DBT: variants seen among roughly 807,000 people sequenced by gnomAD.
DBT encodes dihydrolipoamide branched chain transacylase E2.
In DBT, 40 loss-of-function variants were observed where a neutral mutation model predicts 51.3. That is an observed-to-expected ratio of 0.78 (90% CI 0.61 to 1.02). The LOEUF (loss-of-function observed/expected upper bound fraction) is 1.02, where lower values mean the gene tolerates loss of function less well. Ranked by LOEUF, DBT falls within the 50% of genes least tolerant of loss-of-function variation. The pLI, the probability that DBT is intolerant of heterozygous loss-of-function variation, is 0.00. For synonymous variants in DBT, 181 were observed against 190.4 expected, an observed-to-expected ratio of 0.95 and a Z score of 0.41; for missense variants, 510 against 580.2, an observed-to-expected ratio of 0.88 and a Z score of 1.24.
rs922262973 is a variant in DBT, at chr1:100,213,693, T to G, written c.939+1124A>C. 1.1e-4 allele frequency: 175 copies of G among 1,603,618 alleles called. 3 individuals are homozygous for G. In the Admixed American group the frequency reaches 2.6e-3, roughly 24 times the overall value. On this transcript the variant is annotated intron_variant, in intron 7 of 10. Coordinates refer to ENST00000370132, the MANE Select transcript of DBT (RefSeq NM_001918.5). The stretch of plus-strand genomic sequence containing the variant: ...TAAAGGGAACACCAGGCTCGGCCTT[T>G]CCTACACCCAGCTCTCTTTTTCTAA...
At chr1:100,239,149 A>C (rs1191973924) in intron 2 of DBT, among the ~76,000 whole-genome samples, 1 of 152,230 alleles carries the variant, frequency 6.6e-6, no homozygotes, top group Non-Finnish European at 1.5e-5. Flanking sequence ...TGATCAATAA[A>C]TATTAATTGT....
At chr1:100,207,909 G>C (rs1661894795) in intron 8 of DBT, among the ~76,000 whole-genome samples, 2 of 152,102 alleles carry the variant, frequency 1.3e-5, no homozygotes, top group Admixed American at 1.3e-4. Context: ...GAGGCGGGCG[G>C]ATCACGAGGT....
rs1661038253 is a variant in DBT at position 100,195,529 on chromosome 1, T to A, written c.*726A>T. On this transcript the variant is annotated 3_prime_UTR_variant, in exon 11 of 11. Transcript: ENST00000370132. ...TTATTTCATACAACAATTAGCATAATAACGGAAATGGAAAATATTTTTGTA... is the reference window on the plus strand; with the variant it reads ...TTATTTCATACAACAATTAGCATAAAAACGGAAATGGAAAATATTTTTGTA... 1 of 152,254 alleles carries A rather than the reference T, an allele frequency of 6.6e-6. No individual in the cohort carries two copies. Among genetic ancestry groups the A allele is most frequent in the Non-Finnish European group, 1.5e-5 (1 of 68,082 alleles). The allele number at this position is 152,254 out of a possible 1,614,324, so 9.4% of individuals were successfully genotyped here. A position where few individuals can be genotyped will look rare whatever the true frequency, so the allele number is the denominator to read the frequency against.
intron 10 of DBT, chr1:100,196,697 A>G: frequency 2.2e-6 from 1 of 457,114 alleles, no homozygotes; most frequent in Non-Finnish European, 3.9e-6. Context: ...TTCATCTCAG[A>G]TTTCAAATAT....
intron 5 of DBT, 65 bp from the exon 6 acceptor site, chr1:100,216,264 A>G: frequency 8.8e-7 from 1 of 1,133,532 alleles, no homozygotes; most frequent in Non-Finnish European, 1.3e-6. Flanking sequence ...AAGTTTCAAA[A>G]TGGAATTTGA....
chr1:100,196,517 C>CAA (rs1479583625), intron 10 of DBT, 95 bp from the exon 11 acceptor site: 339 of 1,420,180 alleles, frequency 2.4e-4, no homozygotes, highest in Middle Eastern at 1.3e-3. Flanking sequence ...GGTGTAAGAT[C>CAA]AGGCAAACCC....
Position 100,222,109 on chromosome 1 carries a change from G to A in DBT, c.434-3362C>T, listed in dbSNP as rs571814675. On this transcript the variant is annotated intron_variant, in intron 4 of 10. Coordinates refer to ENST00000370132, the MANE Select transcript of DBT (RefSeq NM_001918.5). ...TTTCACTTCAAATTATTAAAACAGC[G>A]AATTCAATCAATTTAATCTACAATA... Among the ~76,000 whole-genome samples, 4 of 152,188 alleles carry A rather than the reference G, an allele frequency of 2.6e-5. No homozygotes were observed. The East Asian group carries it at 7.7e-4, about 29-fold the overall frequency.
At chr1:100,217,997 A>G (rs1346106558) in intron 5 of DBT, among the ~76,000 whole-genome samples, 1 of 152,226 alleles carries the variant, frequency 6.6e-6, no homozygotes, top group South Asian at 2.1e-4. Flanking sequence ...TTACAGGGTT[A>G]AATGAGAATA....
chr1:100,213,797 CA>C, intron 7 of DBT: 1 of 1,440,666 alleles, frequency 6.9e-7, no homozygotes, highest in East Asian at 2.6e-5. Flanking sequence ...CGATGTGGCA[CA>C]CGCCAGCTGC....
intron 10 of DBT, among the ~76,000 whole-genome samples, chr1:100,205,663 C>A (rs1417314330): frequency 6.6e-6 from 1 of 152,170 alleles, no homozygotes; most frequent in Non-Finnish European, 1.5e-5. Context: ...ATGTTTATTG[C>A]AGCACTATTC....
At position 100,240,787 on chromosome 1, in the gene DBT, G is replaced by C. The variant is rs1570847301; in HGVS notation, c.149C>G (p.Pro50Arg). The change falls in exon 2 of 11, where the codon CCA (proline) becomes CGA (arginine). Residue 50 changes from proline to arginine, a missense_variant. Physicochemically the swap from Pro to Arg is moderately radical, Grantham distance 103. Transcript: ENST00000370132. Reference protein sequence around the residue: ...FGYPSFKYSHPHHFLKTTAAL... With the variant: ...FGYPSFKYSHRHHFLKTTAAL... Reference sequence around the variant, plus strand: ...AGCAGTTGTTTTCAGGAAGTGATGTGGATGACTATACTTGAATGAAGGATA... The same window carrying C: ...AGCAGTTGTTTTCAGGAAGTGATGTCGATGACTATACTTGAATGAAGGATA... 1.9e-6 allele frequency: 3 copies of C among 1,605,082 alleles called. No homozygotes were observed. Among genetic ancestry groups the C allele is most frequent in the South Asian group, 2.2e-5 (2 of 90,866 alleles).
chr1:100,189,556 A>C lies in DBT; in HGVS notation c.*6699T>G, dbSNP rs1660716355. The C allele has an allele frequency of 6.6e-6, 1 of 152,188 alleles. No individual in the cohort carries two copies. The highest frequency in any genetic ancestry group is 2.4e-5 in the African/African-American group (1 of 41,440). The allele number at this position is 152,188 out of a possible 1,614,324, so 9.4% of individuals were successfully genotyped here. A position where few individuals can be genotyped will look rare whatever the true frequency, so the allele number is the denominator to read the frequency against. On this transcript the variant is annotated 3_prime_UTR_variant, in exon 11 of 11. Transcript: ENST00000370132. ...AGGACAGAGGTGGGTTCAGAGAACTATTTAGGAGACATCTGGGTGGGAGTT... is the reference window on the plus strand; with the variant it reads ...AGGACAGAGGTGGGTTCAGAGAACTCTTTAGGAGACATCTGGGTGGGAGTT...
chr1:100,236,375 C>G (rs1001607253), intron 2 of DBT, among the ~76,000 whole-genome samples: 1 of 152,178 alleles, frequency 6.6e-6, no homozygotes, highest in African/African-American at 2.4e-5. Flanking sequence ...TCCAGGTTAA[C>G]AAATGGCTCT....
chr1:100,229,356 TG>T (rs1450286667), intron 4 of DBT, among the ~76,000 whole-genome samples: 1 of 151,308 alleles, frequency 6.6e-6, no homozygotes, highest in Non-Finnish European at 1.5e-5. Context: ...TTAGTAGAGA[TG>T]GGGTTTCACC....
At position 100,210,724 on chromosome 1, in the gene DBT, C is replaced by T; in HGVS notation, c.987G>A (p.Val329=). 1 of 1,613,380 alleles carries T rather than the reference C, an allele frequency of 6.2e-7. No homozygotes were observed. Among genetic ancestry groups the T allele is most frequent in the South Asian group, 1.1e-5 (1 of 91,064 alleles). Residue 329 remains valine (V), a synonymous_variant, in exon 8 of 11, where the codon GTG becomes GTA. Transcript: ENST00000370132. ...ATGTTATATTCTGGCAGTTTTCATC[C>T]ACAGAAGCGTTAAGGATAGGAAACT... ...LLQFPILNAS[V]DENCQNITYK...
chr1:100,213,287 G>T (rs2100793545), intron 7 of DBT: 2 of 1,388,178 alleles, frequency 1.4e-6, no homozygotes, highest in South Asian at 3.2e-5. Flanking sequence ...GCCGAGCCGG[G>T]CCGCCATGGA....
chr1:100,243,646 A>G (rs1320894008), intron 1 of DBT, among the ~76,000 whole-genome samples: 1 of 152,054 alleles, frequency 6.6e-6, no homozygotes, highest in Non-Finnish European at 1.5e-5. Flanking sequence ...TACATTTACA[A>G]TTTCCCTGTG....
chr1:100,204,923 A>G (rs1288642152), intron 10 of DBT, among the ~76,000 whole-genome samples: 1 of 152,190 alleles, frequency 6.6e-6, no homozygotes, highest in East Asian at 1.9e-4. Context: ...CTGAAACTGG[A>G]CCCCTTCCTT....
rs559530772 is a variant in DBT, at chr1:100,194,974, T to C, written c.*1281A>G. On this transcript the variant is annotated 3_prime_UTR_variant, in exon 11 of 11. Coordinates refer to ENST00000370132, the MANE Select transcript of DBT (RefSeq NM_001918.5). The stretch of plus-strand genomic sequence containing the variant: ...GTTGGATACATTCATCTCGTTGCTA[T>C]TTCTGATTAAAGTAGACCTTTAACA... 5.3e-5 allele frequency: 8 copies of C among 152,338 alleles called. No homozygotes were observed. The highest frequency in any genetic ancestry group is 1.9e-4 in the African/African-American group (8 of 41,582). The allele number at this position is 152,338 out of a possible 1,614,324, so 9.4% of individuals were successfully genotyped here.
Sources: allele counts gnomAD v4.1 joint callset (sites outside exome capture counted in the v4.1 genomes callset), GRCh38; gene constraint gnomAD v4.1.1; transcripts MANE v1.5; gene names NCBI Gene and HGNC (gene_info 2026-07-23, HGNC 2026-07-21).